Variants in TTC7A observed in about 807,000 individuals in gnomAD.
TTC7A encodes tetratricopeptide repeat domain 7A.
In TTC7A, 110 loss-of-function variants were observed where a neutral mutation model predicts 103.7. The observed-to-expected ratio is 1.06, with a 90% CI of 0.91 to 1.24. The LOEUF is 1.24. TTC7A is among the 50% of genes most tolerant of loss of function. The probability of loss-of-function intolerance (pLI) is 0.00; values close to 1 mark genes in which losing one functional copy is unlikely to be tolerated. For missense variants in TTC7A, 1,340 were observed against 1,116.3 expected (o/e 1.20, Z -2.86); for synonymous variants, 521 against 467.9 (o/e 1.11, Z -1.47).
intron 11 of TTC7A, among the ~76,000 whole-genome samples, chr2:47,019,419 T>C (rs1180429316): frequency 6.6e-6 from 1 of 151,830 alleles, no homozygotes; most frequent in Non-Finnish European, 1.5e-5. Flanking sequence ...ATGTTGGCCA[T>C]ATAGGGAGAT....
At chr2:46,948,896 C>A (rs1671161522) in intron 1 of TTC7A, among the ~76,000 whole-genome samples, 1 of 152,182 alleles carries the variant, frequency 6.6e-6, no homozygotes. Context: ...AAAGATGGCA[C>A]CAAGCAGGCA....
intron 2 of TTC7A, among the ~76,000 whole-genome samples, chr2:46,929,132 C>T (rs534029142): frequency 4.6e-5 from 7 of 152,274 alleles, no homozygotes; most frequent in Admixed American, 2.6e-4. Context: ...CACTGCACCC[C>T]AGCCTGGGGC....
At chr2:46,927,974 G>A (rs997742199) in intron 2 of TTC7A, among the ~76,000 whole-genome samples, 1 of 135,772 alleles carries the variant, frequency 7.4e-6, no homozygotes, top group Non-Finnish European at 1.5e-5. Flanking sequence ...GCTCACTGCA[G>A]CCTCAACTTC....
At chr2:46,931,400 CA>C (rs148064099) in intron 2 of TTC7A, among the ~76,000 whole-genome samples, 83 of 152,316 alleles carry the variant, frequency 5.4e-4, no homozygotes, top group African/African-American at 2.0e-3. Flanking sequence ...TGTTATTTTA[CA>C]TGCAAAAAGG....
intron 4 of TTC7A, among the ~76,000 whole-genome samples, chr2:46,976,710 C>T (rs1444949180): frequency 6.6e-6 from 1 of 152,232 alleles, no homozygotes; most frequent in East Asian, 1.9e-4. Context: ...GGATGTTCAG[C>T]AGCATGCCTA....
At chr2:46,940,630 C>T (rs1310264692), upstream of TTC7A, among the ~76,000 whole-genome samples, 3 of 152,210 alleles carry the variant, frequency 2.0e-5, no homozygotes, top group Non-Finnish European at 4.4e-5. The surrounding 1 kb of genome is among the most constrained non-coding windows in gnomAD (Gnocchi z 4.7). Context: ...ACAGAGATTC[C>T]ACAGAGGACA....
intron 11 of TTC7A, among the ~76,000 whole-genome samples, chr2:47,019,973 C>A (rs1006168558): frequency 1.3e-5 from 2 of 152,154 alleles, no homozygotes; most frequent in African/African-American, 4.8e-5. Context: ...CTGCTGCCTC[C>A]TGGGGTAACC....
At chr2:47,013,222 T>G (rs868344167) in intron 11 of TTC7A, among the ~76,000 whole-genome samples, 71 of 152,168 alleles carry the variant, frequency 4.7e-4, no homozygotes, top group African/African-American at 1.3e-3. Context: ...AACCAGGCCC[T>G]TGCATCACAG....
chr2:47,028,139 A>G (rs1289393257), intron 14 of TTC7A, among the ~76,000 whole-genome samples: 16 of 152,146 alleles, frequency 1.1e-4, no homozygotes, highest in Admixed American at 1.0e-3. Context: ...TTGTGCTGAG[A>G]ATGGTCTCTT....
At chr2:46,928,046 C>T (rs1174587306) in intron 2 of TTC7A, among the ~76,000 whole-genome samples, 1 of 151,584 alleles carries the variant, frequency 6.6e-6, no homozygotes, top group Non-Finnish European at 1.5e-5. Context: ...CATACACCAC[C>T]ACGCCCAGCT....
chr2:47,021,260 C>T (rs1040604460), intron 11 of TTC7A, among the ~76,000 whole-genome samples: 1 of 152,220 alleles, frequency 6.6e-6, no homozygotes, highest in Non-Finnish European at 1.5e-5. Flanking sequence ...ACCGGCCTGA[C>T]TCCTATGGGG....
chr2:47,020,179 C>A (rs1199696778), intron 11 of TTC7A, among the ~76,000 whole-genome samples: 2 of 152,200 alleles, frequency 1.3e-5, no homozygotes, highest in Non-Finnish European at 2.9e-5. Flanking sequence ...GGGGGTCCCA[C>A]CTGCCATTTT....
At chr2:47,044,293 G>T (rs1373819186) in intron 15 of TTC7A, among the ~76,000 whole-genome samples, 2 of 152,230 alleles carry the variant, frequency 1.3e-5, no homozygotes, top group Non-Finnish European at 2.9e-5. Context: ...TCTGGGCAGT[G>T]TGTCATTTAT....
chr2:47,011,269 A>C lies in TTC7A; in HGVS notation c.1288-62A>C, dbSNP rs1018985061. The C allele has an allele frequency of 4.7e-6, 7 of 1,495,864 alleles. No individual in the cohort carries two copies. In the Admixed American group the frequency reaches 1.1e-4, roughly 23 times the overall value. 92.7% of individuals were successfully genotyped at this position (1,495,864 alleles called of 1,614,324 possible). On this transcript the variant is annotated intron_variant, in intron 10 of 19. Coordinates refer to ENST00000319190, the MANE Select transcript of TTC7A (RefSeq NM_020458.4). ...CTTGGTTGTTTGGGAAGCTCGCCCC[A>C]CTGTGGGCCCTTGAGATCCAGGACT...
At chr2:47,056,497 A>G (rs1434761639) in intron 18 of TTC7A, among the ~76,000 whole-genome samples, 1 of 152,214 alleles carries the variant, frequency 6.6e-6, no homozygotes, top group Admixed American at 6.5e-5. Flanking sequence ...CCTGCGGGCA[A>G]GGCCCTCCCT....
chr2:47,012,124 TC>T (rs1387430810), intron 11 of TTC7A, among the ~76,000 whole-genome samples: 1 of 152,198 alleles, frequency 6.6e-6, no homozygotes, highest in Non-Finnish European at 1.5e-5. Flanking sequence ...CTTGCTGTAG[TC>T]CTCCTGCCCT....
chr2:46,972,902 T>C lies in TTC7A; in HGVS notation c.518-2071T>C, dbSNP rs181182154. Among the ~76,000 whole-genome samples the C allele has an allele frequency of 1.1e-3, 172 of 152,260 alleles. 1 individual carries two copies. The highest frequency in any genetic ancestry group is 6.6e-3 in the South Asian group (32 of 4,822). Reference sequence around the variant, plus strand: ...GAGCTGGCCGGAGATGACCAAAATATAGTGTAGAAAGTGGTGAGCACCAGG... The same window carrying C: ...GAGCTGGCCGGAGATGACCAAAATACAGTGTAGAAAGTGGTGAGCACCAGG... On this transcript the variant is annotated intron_variant, in intron 3 of 19. Coordinates refer to ENST00000319190, the MANE Select transcript of TTC7A (RefSeq NM_020458.4).
At chr2:47,003,617 C>T (rs1399304740) in intron 8 of TTC7A, among the ~76,000 whole-genome samples, 1 of 152,214 alleles carries the variant, frequency 6.6e-6, no homozygotes, top group Non-Finnish European at 1.5e-5. Context: ...TCCCCAGACC[C>T]TGGATGTGCC....
intron 3 of TTC7A, among the ~76,000 whole-genome samples, chr2:46,964,375 T>C: frequency 6.6e-6 from 1 of 152,118 alleles, no homozygotes; most frequent in East Asian, 1.9e-4. Context: ...GGATTGGGAA[T>C]GAGTGTGAGG....
Sources: allele counts gnomAD v4.1 joint callset (sites outside exome capture counted in the v4.1 genomes callset), GRCh38; gene constraint gnomAD v4.1.1; non-coding constraint Gnocchi (gnomAD v3.1); transcripts MANE v1.5; gene names NCBI Gene and HGNC (gene_info 2026-07-23, HGNC 2026-07-21).